TTC3: variants seen among roughly 807,000 people sequenced by gnomAD.
The protein encoded by TTC3 is tetratricopeptide repeat domain 3.
TTC3 carries 180 observed loss-of-function variants against 249.6 expected under a neutral mutation model. That is an observed-to-expected ratio of 0.72 (90% CI 0.64 to 0.82). The LOEUF is 0.82. Among genes scored for constraint, TTC3 ranks in the 40% least tolerant of loss-of-function variants. The pLI is 0.00. For synonymous variants in TTC3, 717 were observed against 805.0 expected (o/e 0.89, Z 1.85); for missense variants, 2,061 against 2,398.4 (o/e 0.86, Z 2.94).
intron 44 of TTC3, 64 bp downstream of exon 44, chr21:37,198,089 CATG>C: frequency 6.7e-7 from 1 of 1,503,646 alleles, no homozygotes; most frequent in Non-Finnish European, 8.9e-7. Flanking sequence ...ATTTTTAATC[CATG>C]ATTTAGCCCC....
At position 37,110,725 on chromosome 21, in the gene TTC3, A is replaced by G. The variant is rs564739308; in HGVS notation, c.900+2279A>G. On this transcript the variant is annotated intron_variant, in intron 11 of 45. Transcript: ENST00000355666. ...GAGAACACCACAAAGATACTCCTTG[A>G]GAAGAGCAACTCCAAGACACATAAT... Among the ~76,000 whole-genome samples the G allele has an allele frequency of 2.0e-5, 3 of 152,324 alleles. No individual in the cohort carries two copies. The South Asian group carries it at 6.2e-4, about 32-fold the overall frequency.
Position 37,113,263 on chromosome 21 carries a change from A to G in TTC3, c.900+4817A>G, listed in dbSNP as rs559552689. Among the ~76,000 whole-genome samples the G allele has an allele frequency of 1.5e-3, 224 of 152,344 alleles. 2 individuals are homozygous for G. Among genetic ancestry groups the G allele is most frequent in the African/African-American group, 4.9e-3 (205 of 41,580 alleles). ...GAAGTCAAATTGTCCCTGTTTGCAG[A>G]TAACATGATTGTATATCTAGAAAAC... On this transcript the variant is annotated intron_variant, in intron 11 of 45. Coordinates refer to ENST00000355666, the Ensembl canonical transcript of TTC3.
intron 21 of TTC3, among the ~76,000 whole-genome samples, chr21:37,144,937 G>T (rs2078857594): frequency 6.6e-6 from 1 of 152,188 alleles, no homozygotes; most frequent in African/African-American, 2.4e-5. Flanking sequence ...GTGAAATGAT[G>T]CACTCAAGGT....
intron 11 of TTC3, among the ~76,000 whole-genome samples, chr21:37,115,855 A>C (rs892516862): frequency 6.6e-6 from 1 of 151,856 alleles, no homozygotes; most frequent in African/African-American, 2.4e-5. Flanking sequence ...CAGCCCCCTT[A>C]TTTCTTTTCA....
intron 37 of TTC3, among the ~76,000 whole-genome samples, chr21:37,186,335 G>A (rs2835653): frequency 0.53 from 80,929 of 152,062 alleles, 22,169 homozygotes; most frequent in African/African-American, 0.64. Flanking sequence ...GAATAATTTT[G>A]TACAGATTTC....
intron 19 of TTC3, 142 bp from the exon 20 acceptor site, chr21:37,140,419 C>T: frequency 1.9e-6 from 1 of 538,192 alleles, no homozygotes; most frequent in Non-Finnish European, 3.2e-6. Flanking sequence ...GAAAGTGAAA[C>T]ACAGAGGTAT....
intron 19 of TTC3, among the ~76,000 whole-genome samples, chr21:37,139,109 A>G (rs1455139948): frequency 6.6e-6 from 1 of 152,164 alleles, no homozygotes; most frequent in Non-Finnish European, 1.5e-5. Context: ...GTGAAAAAAT[A>G]TGGATTATGT....
intron 7 of TTC3, among the ~76,000 whole-genome samples, chr21:37,092,230 T>A (rs887534485): frequency 6.6e-6 from 1 of 152,236 alleles, no homozygotes; most frequent in Non-Finnish European, 1.5e-5. Flanking sequence ...TTTCAGTAGA[T>A]GATGACCAAT....
At chr21:37,193,348 T>C (rs866139997) in intron 41 of TTC3, among the ~76,000 whole-genome samples, 1 of 138,478 alleles carries the variant, frequency 7.2e-6, no homozygotes, top group South Asian at 2.3e-4. Context: ...ACATTCAAAC[T>C]TACTGTGAAT....
chr21:37,169,661 A>G (rs1406292205), intron 34 of TTC3, among the ~76,000 whole-genome samples: 2 of 146 alleles, frequency 0.014, no homozygotes, highest in Admixed American at 0.042. Flanking sequence ...CCAGCTGGCC[A>G]ACATAGTAAA....
At chr21:37,117,858 A>G (rs1033530041) in intron 11 of TTC3, among the ~76,000 whole-genome samples, 14 of 151,158 alleles carry the variant, frequency 9.3e-5, no homozygotes, top group African/African-American at 2.9e-4. Flanking sequence ...AAAAAAGAAA[A>G]AAGAAAAAAA....
At position 37,132,668 on chromosome 21, in the gene TTC3, T is replaced by G. The variant is rs752553014; in HGVS notation, c.1359-14T>G. 4.4e-6 allele frequency: 7 copies of G among 1,573,686 alleles called. No individual in the cohort carries two copies. The African/African-American group carries it at 9.6e-5, about 22-fold the overall frequency. On this transcript the variant is annotated splice_polypyrimidine_tract_variant and intron_variant, in intron 16 of 45. Transcript: ENST00000355666. The stretch of plus-strand genomic sequence containing the variant: ...ATTTTAAAATGATTTTTAAAAATGC[T>G]TTTTTTCTTTTAGTTCTAGTTCACC...
In TTC3 at chr21:37,187,173, A is replaced by G. The variant is rs769421749; in HGVS notation, c.4923+28A>G. 37 of 1,484,928 alleles carry G rather than the reference A, an allele frequency of 2.5e-5. 2 individuals are homozygous for G. The South Asian group carries it at 3.2e-4, about 13-fold the overall frequency. 92.0% of individuals were successfully genotyped at this position (1,484,928 alleles called of 1,614,324 possible). On this transcript the variant is annotated intron_variant, in intron 38 of 45. Transcript: ENST00000355666. ...GAGTCCATGACACTTAGTGACCACT[A>G]TGGCATTTGTCATTTGTTTTTGTGT... is the stretch of plus-strand genomic sequence containing the variant.
chr21:37,156,336 C>A (rs992915325), intron 27 of TTC3, among the ~76,000 whole-genome samples: 2 of 152,108 alleles, frequency 1.3e-5, no homozygotes, highest in Non-Finnish European at 2.9e-5. Flanking sequence ...CATACCTGGC[C>A]TCATTGTTAT....
In TTC3 at chr21:37,152,047, G is replaced by C. The variant is rs745464973; in HGVS notation, c.2413+18G>C. 1.3e-6 allele frequency: 2 copies of C among 1,553,148 alleles called. No homozygotes were observed. Among genetic ancestry groups the C allele is most frequent in the Non-Finnish European group, 1.7e-6 (2 of 1,158,268 alleles). ...GCAGAAAGGTATGCAGAAGCCAAAGGCATGATAAGAATAATATACTCTCAT... is the reference window on the plus strand; with the variant it reads ...GCAGAAAGGTATGCAGAAGCCAAAGCCATGATAAGAATAATATACTCTCAT... On this transcript the variant is annotated intron_variant, in intron 26 of 45. Transcript: ENST00000355666.
At chr21:37,147,191 G>A (rs2079053332) in intron 21 of TTC3, among the ~76,000 whole-genome samples, 2 of 152,162 alleles carry the variant, frequency 1.3e-5, no homozygotes, top group South Asian at 2.1e-4. Context: ...TCTGAGAGCT[G>A]TAAATTATAA....
intron 41 of TTC3, among the ~76,000 whole-genome samples, chr21:37,192,900 A>G (rs2835658): frequency 0.53 from 80,890 of 152,006 alleles, 22,146 homozygotes; most frequent in African/African-American, 0.64. Context: ...CATATTTCTT[A>G]GATTTGGACA....
intron 14 of TTC3, among the ~76,000 whole-genome samples, chr21:37,125,141 G>A (rs2076951241): frequency 6.6e-6 from 1 of 152,002 alleles, no homozygotes; most frequent in Admixed American, 6.6e-5. Context: ...ATTGTATTGA[G>A]CATTTCCAGC....
At chr21:37,156,013 A>G (rs2080028423) in intron 27 of TTC3, among the ~76,000 whole-genome samples, 1 of 150,760 alleles carries the variant, frequency 6.6e-6, no homozygotes, top group Admixed American at 6.6e-5. Flanking sequence ...GAAAGTCTTT[A>G]TGAATTAGTG....
Sources: gnomAD v4.1 joint callset for allele counts (sites outside exome capture counted in the v4.1 genomes callset) on GRCh38, gnomAD v4.1.1 for gene constraint, MANE v1.5 for transcripts, NCBI Gene and HGNC (gene_info 2026-07-23, HGNC 2026-07-21) for gene names.